The following CGNL1 variants were observed in gnomAD, a reference collection of about 807,000 sequenced individuals.
CGNL1 encodes the protein cingulin like 1.
In CGNL1, 132 loss-of-function variants were observed where a neutral mutation model predicts 141.2. The observed-to-expected ratio is 0.93, with a 90% CI of 0.81 to 1.08. The LOEUF is 1.08. CGNL1 is among the 50% of genes least tolerant of loss of function. CGNL1 has a pLI of 0.00. For missense variants in CGNL1, 1,870 were observed against 1,588.6 expected (o/e 1.18, Z -3.01); for synonymous variants, 690 against 622.1 (o/e 1.11, Z -1.63).
At chr15:57,462,710 A>G (rs1484945535) in intron 8 of CGNL1, among the ~76,000 whole-genome samples, 2 of 152,194 alleles carry the variant, frequency 1.3e-5, no homozygotes, top group Non-Finnish European at 2.9e-5. Flanking sequence ...CCTAAGCCCT[A>G]TGGTGATTCA....
At chr15:57,501,287 CCT>C (rs1222707867) in intron 8 of CGNL1, among the ~76,000 whole-genome samples, 2 of 152,210 alleles carry the variant, frequency 1.3e-5, no homozygotes, top group Non-Finnish European at 2.9e-5. Flanking sequence ...CCTCTCAGTA[CCT>C]CAGTTTCCTC....
intron 13 of CGNL1, among the ~76,000 whole-genome samples, chr15:57,529,371 G>A (rs75551138): frequency 6.6e-6 from 1 of 152,284 alleles, no homozygotes; most frequent in Non-Finnish European, 1.5e-5. Context: ...ATCAGAAAGT[G>A]CTGAATGCAC....
Position 57,523,649 on chromosome 15 carries a change from G to T in CGNL1, c.2868+8G>T. The T allele has an allele frequency of 1.3e-6, 2 of 1,566,132 alleles. No homozygotes were observed. Among genetic ancestry groups the T allele is most frequent in the Non-Finnish European group, 1.8e-6 (2 of 1,136,624 alleles). On this transcript the variant is annotated splice_region_variant and intron_variant, in intron 11 of 18. Coordinates refer to ENST00000281282, the MANE Select transcript of CGNL1 (RefSeq NM_032866.5). ...GAGAAACTGCAGAAGGAGGTGAGGG[G>T]CTGGAGGAGGAAAGAGGAAGTAGGG...
chr15:57,537,098 A>T (rs1480992305), intron 14 of CGNL1, among the ~76,000 whole-genome samples: 1 of 152,212 alleles, frequency 6.6e-6, no homozygotes, highest in Non-Finnish European at 1.5e-5. Context: ...CACTGCTGCA[A>T]ATGCTTCACA....
intron 8 of CGNL1, among the ~76,000 whole-genome samples, chr15:57,497,848 A>G (rs770887032): frequency 1.4e-4 from 21 of 152,212 alleles, no homozygotes; most frequent in Non-Finnish European, 2.4e-4. Context: ...CAGCTGTTGT[A>G]TAGGGAGGCA....
At chr15:57,381,848 C>A (rs1281096176) in intron 1 of CGNL1, among the ~76,000 whole-genome samples, 1 of 152,166 alleles carries the variant, frequency 6.6e-6, no homozygotes, top group Non-Finnish European at 1.5e-5. Context: ...AAGTATTCCG[C>A]TAAAGGCCAC....
chr15:57,497,889 T>C (rs2152385406), intron 8 of CGNL1, among the ~76,000 whole-genome samples: 1 of 152,330 alleles, frequency 6.6e-6, no homozygotes, highest in East Asian at 1.9e-4. Flanking sequence ...GCACTTCCAT[T>C]TTCCTGGTGC....
At chr15:57,433,905 G>A (rs553483997) in intron 1 of CGNL1, among the ~76,000 whole-genome samples, 4 of 138,648 alleles carry the variant, frequency 2.9e-5, no homozygotes, top group East Asian at 2.1e-4. Flanking sequence ...TAACTGAAAT[G>A]TATGGGTTCT....
chr15:57,422,373 C>T (rs1263248361), intron 1 of CGNL1, among the ~76,000 whole-genome samples: 2 of 152,010 alleles, frequency 1.3e-5, no homozygotes, highest in African/African-American at 4.8e-5. Context: ...CTCAAGGCTC[C>T]CATGGGAGAG....
intron 15 of CGNL1, among the ~76,000 whole-genome samples, 200 bp downstream of exon 15, chr15:57,543,979 A>C (rs1408117266): frequency 6.6e-6 from 1 of 152,098 alleles, no homozygotes; most frequent in Non-Finnish European, 1.5e-5. Flanking sequence ...AGGGAGGAGG[A>C]ATTGCATGTG....
At chr15:57,379,019 A>T (rs1265655922) in intron 1 of CGNL1, among the ~76,000 whole-genome samples, 2 of 151,870 alleles carry the variant, frequency 1.3e-5, no homozygotes, top group Admixed American at 6.6e-5. Context: ...GAGCAAGACT[A>T]TATGGAAAGT....
intron 1 of CGNL1, among the ~76,000 whole-genome samples, chr15:57,436,188 A>T (rs2063103436): frequency 6.6e-6 from 1 of 152,166 alleles, no homozygotes; most frequent in Admixed American, 6.5e-5. Context: ...CTTTTTACTA[A>T]CAGAACATTG....
intron 1 of CGNL1, among the ~76,000 whole-genome samples, chr15:57,397,555 T>G (rs2062615778): frequency 6.6e-6 from 1 of 152,174 alleles, no homozygotes; most frequent in Admixed American, 6.5e-5. Flanking sequence ...ATTTTTAAAT[T>G]ATAAAAGTAA....
Position 57,411,631 on chromosome 15 carries a change from G to T in CGNL1, c.-15-26354G>T, listed in dbSNP as rs527354361. 7.9e-5 allele frequency among the ~76,000 whole-genome samples: 12 copies of T among 152,006 alleles called. No homozygotes were observed. The South Asian group carries it at 2.5e-3, about 32-fold the overall frequency. The stretch of plus-strand genomic sequence containing the variant: ...GCTAATTTTTTGTATTTTTGGTAGA[G>T]ATGAGGTTTCACCATTTTGGCCAGG... On this transcript the variant is annotated intron_variant, in intron 1 of 18. Transcript: ENST00000281282.
rs560681597 is a variant in CGNL1, at chr15:57,463,008, C to G, written c.2403+1116C>G. 6.6e-5 allele frequency among the ~76,000 whole-genome samples: 10 copies of G among 152,234 alleles called. No homozygotes were observed. In the South Asian group the frequency reaches 1.2e-3, roughly 19 times the overall value. On this transcript the variant is annotated intron_variant, in intron 8 of 18. Transcript: ENST00000281282. ...CCAGCCTGGTATCCTTGTGATCTAT[C>G]TTTATGTGCTATTGCTTCATCAGGT...
chr15:57,430,415 T>G (rs1264190746), intron 1 of CGNL1, among the ~76,000 whole-genome samples: 2 of 152,224 alleles, frequency 1.3e-5, no homozygotes, highest in African/African-American at 2.4e-5. Context: ...ACACTTTTTT[T>G]GGGACATGAA....
intron 8 of CGNL1, chr15:57,477,361 G>A (rs568645207): frequency 3.9e-5 from 6 of 152,170 alleles, no homozygotes; most frequent in African/African-American, 9.7e-5. Context: ...ACAGTGCAAC[G>A]AAGACTTAGA....
In CGNL1 at chr15:57,495,405, C is replaced by T. The variant is rs141790119; in HGVS notation, c.2404-21375C>T. The stretch of plus-strand genomic sequence containing the variant: ...GCATTGAGCTGTCTTGTGGGAAGGC[C>T]TCCCTTCTGTGTCAAGTATTCCTCA... On this transcript the variant is annotated intron_variant, in intron 8 of 18. Transcript: ENST00000281282. Among the ~76,000 whole-genome samples the T allele has an allele frequency of 8.2e-4, 125 of 152,248 alleles. 1 individual carries two copies. Among genetic ancestry groups the T allele is most frequent in the African/African-American group, 3.0e-3 (124 of 41,540 alleles).
chr15:57,401,555 G>A (rs2062660593), intron 1 of CGNL1, among the ~76,000 whole-genome samples: 2 of 152,198 alleles, frequency 1.3e-5, no homozygotes, highest in Admixed American at 6.5e-5. Flanking sequence ...AAGGTGGATG[G>A]TTGTGGAAAA....
Sources: allele counts gnomAD v4.1 joint callset (sites outside exome capture counted in the v4.1 genomes callset), GRCh38; gene constraint gnomAD v4.1.1; transcripts MANE v1.5; gene names NCBI Gene and HGNC (gene_info 2026-07-23, HGNC 2026-07-21).